MPP2: variants seen among roughly 807,000 people sequenced by gnomAD.
MPP2 encodes MAGUK p55 scaffold protein 2, also known as MAGUK p55 subfamily member 2.
MPP2 carries 42 observed loss-of-function variants against 58.5 expected under a neutral mutation model. The observed-to-expected ratio is 0.72, with a 90% CI of 0.56 to 0.93. The LOEUF (loss-of-function observed/expected upper bound fraction) is 0.93. Among genes scored for constraint, MPP2 ranks in the 40% least tolerant of loss-of-function variants. The pLI is 0.00. For synonymous variants in MPP2, 300 were observed against 307.8 expected (o/e 0.97, Z 0.26); for missense variants, 632 against 760.4 (o/e 0.83, Z 1.99).
chr17:43,883,290 C>T lies in MPP2; in HGVS notation c.216G>A (p.Gln72=). ...GCTGCGCCAGGTCCCGCAGGATCTC[C>T]TGCACCAGCTCCAGGTTGTTGTCTC... is the stretch of plus-strand genomic sequence containing the variant. ...AVRDNNLELV[Q]EILRDLAQLA... is the part of the protein sequence containing the mutation. Residue 72 remains glutamine, a synonymous_variant, in exon 4 of 13, where the codon CAG becomes CAA. Coordinates refer to ENST00000269095, the MANE Select transcript of MPP2 (RefSeq NM_005374.5). 5 of 1,613,200 alleles carry T rather than the reference C, an allele frequency of 3.1e-6. No homozygotes were observed. Among genetic ancestry groups the T allele is most frequent in the Non-Finnish European group, 4.2e-6 (5 of 1,179,890 alleles).
chr17:43,881,008 C>T (rs940469521), intron 9 of MPP2, 82 bp downstream of exon 9: 17 of 1,554,652 alleles, frequency 1.1e-5, no homozygotes, highest in Non-Finnish European at 1.4e-5. Flanking sequence ...GCCAGGCACA[C>T]GTCGTCACAG....
intron 3 of MPP2, among the ~76,000 whole-genome samples, chr17:43,884,821 A>G (rs551467270): frequency 2.6e-5 from 4 of 152,148 alleles, no homozygotes; most frequent in Non-Finnish European, 5.9e-5. Flanking sequence ...GCATTCTGCT[A>G]TAAGAATGAG....
intron 3 of MPP2, among the ~76,000 whole-genome samples, chr17:43,890,287 T>C (rs1174905836): frequency 6.6e-6 from 1 of 152,196 alleles, no homozygotes; most frequent in East Asian, 1.9e-4. Context: ...GGCCCAGAAC[T>C]AGAAGAGTGA....
chr17:43,897,307 C>A (rs2047884172), intron 3 of MPP2, among the ~76,000 whole-genome samples: 1 of 152,022 alleles, frequency 6.6e-6, no homozygotes, highest in Admixed American at 6.6e-5. Flanking sequence ...CATGGAGAAA[C>A]CCCATCTCTA....
chr17:43,888,931 ATT>A (rs56759202), intron 3 of MPP2, among the ~76,000 whole-genome samples: 1 of 147,412 alleles, frequency 6.8e-6, no homozygotes, highest in African/African-American at 2.5e-5. Context: ...TGAACAAATA[ATT>A]TTTTTTTTTT....
In MPP2 at chr17:43,883,334, TC is replaced by T. The variant is rs1455464752; in HGVS notation, c.171del (p.Thr58ArgfsTer6). ...TTGTCTCTCACGGCCTCCAGCTTCG[TC>T]TCCTCCAGCCTCTCATGGGCCTGGG... Reference protein sequence around the residue: ...SLAKAHERLEETKLEAVRDNN... With the variant: ...SLAKAHERLEXTKLEAVRDNN... On this transcript the variant is annotated frameshift_variant, in exon 4 of 13. Coordinates refer to ENST00000269095, the MANE Select transcript of MPP2 (RefSeq NM_005374.5). LOFTEE classifies it high-confidence loss of function. 6.2e-7 allele frequency: 1 copy of T among 1,612,034 alleles called. No individual in the cohort carries two copies. Among genetic ancestry groups the T allele is most frequent in the South Asian group, 1.1e-5 (1 of 90,968 alleles).
chr17:43,877,586 G>T lies in MPP2; in HGVS notation c.*221C>A. On this transcript the variant is annotated 3_prime_UTR_variant, in exon 13 of 13. Coordinates refer to ENST00000269095, the MANE Select transcript of MPP2 (RefSeq NM_005374.5). ...ATATCTGGTGACCAATGGGCATCAGGAGTGGGCAGCACCTGGGCACAAGGT... is the reference window on the plus strand; with the variant it reads ...ATATCTGGTGACCAATGGGCATCAGTAGTGGGCAGCACCTGGGCACAAGGT... 1.8e-6 allele frequency: 1 copy of T among 569,808 alleles called. No homozygotes were observed. The highest frequency in any genetic ancestry group is 2.9e-5 in the East Asian group (1 of 35,008). 35.3% of individuals were successfully genotyped at this position (569,808 alleles called of 1,614,324 possible).
At chr17:43,896,906 A>T (rs1452471516) in intron 3 of MPP2, among the ~76,000 whole-genome samples, 3 of 151,986 alleles carry the variant, frequency 2.0e-5, no homozygotes, top group Non-Finnish European at 4.4e-5. Context: ...AGCCATGGGC[A>T]CCATCCCCAC....
upstream of MPP2, among the ~76,000 whole-genome samples, chr17:43,908,801 T>G (rs1411612960): frequency 6.6e-6 from 1 of 152,206 alleles, no homozygotes; most frequent in African/African-American, 2.4e-5. Context: ...AGGGGACTGG[T>G]CCCTGGGTTC....
At chr17:43,893,743 G>A (rs2047701989) in intron 3 of MPP2, among the ~76,000 whole-genome samples, 1 of 152,148 alleles carries the variant, frequency 6.6e-6, no homozygotes, top group African/African-American at 2.4e-5. Flanking sequence ...TGGAACAGTT[G>A]CATACCAAAA....
chr17:43,901,762 A>C lies in MPP2; in HGVS notation c.31+2668T>G, dbSNP rs528293148. Among the ~76,000 whole-genome samples the C allele has an allele frequency of 3.9e-4, 59 of 152,278 alleles. 1 individual carries two copies. The highest frequency in any genetic ancestry group is 3.5e-3 in the East Asian group (18 of 5,186). On this transcript the variant is annotated intron_variant, in intron 2 of 12. Coordinates refer to ENST00000269095, the MANE Select transcript of MPP2 (RefSeq NM_005374.5). Reference sequence around the variant, plus strand: ...GGAGATGCCAGGTTCAGGATCTCTAAGTTCTCAGCCCAGTGCCACTGTCCA... The same window carrying C: ...GGAGATGCCAGGTTCAGGATCTCTACGTTCTCAGCCCAGTGCCACTGTCCA...
At chr17:43,893,901 T>C (rs1055282657) in intron 3 of MPP2, among the ~76,000 whole-genome samples, 3 of 152,194 alleles carry the variant, frequency 2.0e-5, no homozygotes, top group African/African-American at 7.2e-5. Context: ...CTTAGGTCGA[T>C]AGCTGTACTA....
intron 2 of MPP2, chr17:43,900,635 G>C (rs888485729): frequency 3.5e-6 from 5 of 1,448,436 alleles, no homozygotes; most frequent in African/African-American, 2.9e-5. Flanking sequence ...GGCCGGGCTG[G>C]GGAAGGCGGG....
upstream of MPP2, chr17:43,907,614 G>A (rs758178605): frequency 4.0e-5 from 39 of 985,574 alleles, no homozygotes; most frequent in Non-Finnish European, 4.5e-5. Context: ...GAGAGGGGAG[G>A]TGAGGAGAAC....
upstream of MPP2, chr17:43,908,011 G>A: frequency 1.0e-6 from 1 of 979,262 alleles, no homozygotes; most frequent in Non-Finnish European, 1.2e-6. Flanking sequence ...ATCAGGGGCA[G>A]CTTTTTAAGG....
chr17:43,908,008 G>T, upstream of MPP2: 1 of 983,374 alleles, frequency 1.0e-6, no homozygotes, highest in African/African-American at 1.7e-5. Flanking sequence ...GGGATCAGGG[G>T]CAGCTTTTTA....
intron 2 of MPP2, chr17:43,901,605 G>A: frequency 1.0e-6 from 1 of 984,822 alleles, no homozygotes; most frequent in South Asian, 4.7e-5. Context: ...TTACACACCA[G>A]GACAGTAACC....
chr17:43,898,061 C>T (rs748788129), intron 3 of MPP2, among the ~76,000 whole-genome samples: 19 of 152,340 alleles, frequency 1.2e-4, no homozygotes, highest in Middle Eastern at 3.4e-3. Flanking sequence ...CACGCACTCA[C>T]CAGACAGGTG....
At chr17:43,905,464 T>G (rs1219766184) in intron 1 of MPP2, 1 of 152,332 alleles carries the variant, frequency 6.6e-6, no homozygotes, top group Non-Finnish European at 1.5e-5. Context: ...GAACCAAGCA[T>G]GGAGTCTACA....
Sources: gnomAD v4.1 joint callset for allele counts (sites outside exome capture counted in the v4.1 genomes callset) on GRCh38, gnomAD v4.1.1 for gene constraint, MANE v1.5 for transcripts, NCBI Gene and HGNC (gene_info 2026-07-23, HGNC 2026-07-21) for gene names.